The following DPP6 variants were observed in gnomAD, a reference collection of about 807,000 sequenced individuals.
The protein encoded by DPP6 is A-type potassium channel modulatory protein DPP6.
DPP6 carries 69 observed loss-of-function variants against 122.6 expected under a neutral mutation model. The ratio of observed to expected loss-of-function variants is 0.56; its 90% CI spans 0.46 to 0.69. DPP6 has a LOEUF of 0.69. Among genes scored for constraint, DPP6 ranks in the 30% least tolerant of loss-of-function variants. The pLI, the probability that DPP6 is intolerant of heterozygous loss-of-function variation, is 0.00. For synonymous variants in DPP6, 418 were observed against 433.1 expected (o/e 0.97, Z 0.43); for missense variants, 928 against 1,116.9 (o/e 0.83, Z 2.41).
chr7:153,755,788 A>G, the DPP6 span, among the ~76,000 whole-genome samples: 1 of 151,810 alleles, frequency 6.6e-6, no homozygotes, highest in Non-Finnish European at 1.5e-5. Flanking sequence ...CCTCTTCAAG[A>G]CTTTATATCT....
In DPP6 at chr7:154,082,181, C is replaced by T. The variant is rs1292920007; in HGVS notation, c.243+29118C>T. ...AGAGAGTCACATAGCATTTGGCCCT[C>T]GACCATGGCTGAATAAATGAATGAA... On this transcript the variant is annotated intron_variant, in intron 1 of 25. Coordinates refer to ENST00000377770, the MANE Select transcript of DPP6 (RefSeq NM_130797.4). Among the ~76,000 whole-genome samples the T allele has an allele frequency of 5.9e-5, 9 of 152,080 alleles. No homozygotes were observed. In the East Asian group the frequency reaches 7.7e-4, roughly 13 times the overall value.
intron 4 of DPP6, among the ~76,000 whole-genome samples, chr7:154,543,454 C>T (rs986548132): frequency 6.6e-6 from 1 of 152,168 alleles, no homozygotes. Context: ...TTACATGGGA[C>T]AGGTGGATGG....
chr7:154,043,115 C>T (rs745704959), intron 1 of DPP6, among the ~76,000 whole-genome samples: 21 of 152,084 alleles, frequency 1.4e-4, no homozygotes, highest in Middle Eastern at 3.4e-3. Flanking sequence ...TGGCTGGGCA[C>T]GGTGGCTCAC....
intron 4 of DPP6, among the ~76,000 whole-genome samples, chr7:154,563,069 G>A (rs113166514): frequency 6.6e-6 from 1 of 152,142 alleles, no homozygotes; most frequent in Non-Finnish European, 1.5e-5. Context: ...AGAGAAAGGG[G>A]TATAAAAAGT....
At chr7:154,772,264 T>G (rs1040548740) in intron 9 of DPP6, among the ~76,000 whole-genome samples, 2 of 152,186 alleles carry the variant, frequency 1.3e-5, no homozygotes, top group Non-Finnish European at 2.9e-5. Context: ...GTGGGCCTGA[T>G]AGCCTCTGTA....
the DPP6 span, among the ~76,000 whole-genome samples, chr7:153,756,319 G>A: frequency 1.3e-5 from 2 of 151,312 alleles, no homozygotes; most frequent in Non-Finnish European, 2.9e-5. Flanking sequence ...TAACTTTAGA[G>A]GTAATTTCAT....
chr7:154,644,222 G>A (rs1836300388), intron 6 of DPP6, among the ~76,000 whole-genome samples: 2 of 152,176 alleles, frequency 1.3e-5, no homozygotes, highest in Non-Finnish European at 2.9e-5. Flanking sequence ...TGAAGAAAAA[G>A]GAAGATCAAA....
In DPP6 at chr7:154,061,855, G is replaced by C. The variant is rs1204310109; in HGVS notation, c.243+8792G>C. Reference sequence around the variant, plus strand: ...CTTTGCTCTTAGGATCCCCATCGCTGGGGGCGGAGGCACCCCCCGCGAGGC... The same window carrying C: ...CTTTGCTCTTAGGATCCCCATCGCTCGGGGCGGAGGCACCCCCCGCGAGGC... On this transcript the variant is annotated intron_variant, in intron 1 of 25. Transcript: ENST00000377770. Among the ~76,000 whole-genome samples, 5 of 132,038 alleles carry C rather than the reference G, an allele frequency of 3.8e-5. No homozygotes were observed. In the South Asian group the frequency reaches 1.1e-3, roughly 28 times the overall value. 86.6% of individuals were successfully genotyped at this position (132,038 alleles called of 152,430 possible). A position where few individuals can be genotyped will look rare whatever the true frequency, so the allele number is the denominator to read the frequency against.
At chr7:154,576,619 A>G (rs1006414338) in intron 5 of DPP6, among the ~76,000 whole-genome samples, 1 of 152,020 alleles carries the variant, frequency 6.6e-6, no homozygotes, top group Non-Finnish European at 1.5e-5. Flanking sequence ...ATGGTGGAGG[A>G]GTGGGCCAGT....
At chr7:154,491,687 A>T (rs1824293255) in intron 3 of DPP6, among the ~76,000 whole-genome samples, 1 of 152,234 alleles carries the variant, frequency 6.6e-6, no homozygotes, top group African/African-American at 2.4e-5. Flanking sequence ...AAGATAAATA[A>T]GATGGCCCAG....
rs1211409711 is a variant in DPP6, at chr7:154,624,777, C to G, written c.628-13044C>G. 6.6e-6 allele frequency among the ~76,000 whole-genome samples: 1 copy of G among 152,150 alleles called. No homozygotes were observed. Among genetic ancestry groups the G allele is most frequent in the African/African-American group, 2.4e-5 (1 of 41,426 alleles). ...GTTAATCTGCACCATGTCAGGGACC[C>G]CACCCCAGGATTCTTACCAGTAGTG... On this transcript the variant is annotated intron_variant, in intron 5 of 25. Transcript: ENST00000377770. This position sits in a 1 kb window ranked among gnomAD's most constrained non-coding sequence, Gnocchi z 4.7.
chr7:154,691,510 G>A, intron 7 of DPP6, among the ~76,000 whole-genome samples: 1 of 152,140 alleles, frequency 6.6e-6, no homozygotes, highest in East Asian at 1.9e-4. Flanking sequence ...ACATAAAGAG[G>A]GAATTGACTG....
At chr7:154,770,276 C>T (rs796559283) in intron 9 of DPP6, among the ~76,000 whole-genome samples, 26 of 152,274 alleles carry the variant, frequency 1.7e-4, no homozygotes, top group African/African-American at 5.8e-4. Context: ...TGGCGGCAGA[C>T]AAGAGGAGAG....
intron 1 of DPP6, among the ~76,000 whole-genome samples, chr7:154,081,847 G>A (rs993914538): frequency 6.6e-6 from 1 of 152,166 alleles, no homozygotes; most frequent in African/African-American, 2.4e-5. Context: ...TAGCAAATAA[G>A]GTTGTATGTT....
chr7:154,616,333 A>G (rs1318952639), intron 5 of DPP6, among the ~76,000 whole-genome samples: 1 of 152,182 alleles, frequency 6.6e-6, no homozygotes, highest in Non-Finnish European at 1.5e-5. Context: ...GACAGATTCC[A>G]TTGATCCCAG....
intron 1 of DPP6, among the ~76,000 whole-genome samples, chr7:154,322,846 C>G (rs1808094350): frequency 6.6e-6 from 1 of 152,114 alleles, no homozygotes; most frequent in South Asian, 2.1e-4. Flanking sequence ...GCTAAATATG[C>G]CTGCTTCAAT....
At chr7:154,845,533 G>A (rs970979125) in intron 16 of DPP6, among the ~76,000 whole-genome samples, 1 of 152,152 alleles carries the variant, frequency 6.6e-6, no homozygotes, top group African/African-American at 2.4e-5. Flanking sequence ...GAAGGGAGGA[G>A]GGATAGCATT....
chr7:153,758,505 C>G, the DPP6 span, among the ~76,000 whole-genome samples: 2 of 152,102 alleles, frequency 1.3e-5, no homozygotes, highest in Non-Finnish European at 2.9e-5. Flanking sequence ...CCCTTGTGAT[C>G]TGTTTCTCCC....
intron 5 of DPP6, among the ~76,000 whole-genome samples, chr7:154,608,408 A>T (rs1374500542): frequency 6.9e-6 from 1 of 145,860 alleles, no homozygotes; most frequent in African/African-American, 2.5e-5. Flanking sequence ...GCTCACTGCA[A>T]CCTCTGCCTC....
Sources: gnomAD v4.1 joint callset for allele counts (sites outside exome capture counted in the v4.1 genomes callset) on GRCh38, gnomAD v4.1.1 for gene constraint, Gnocchi (gnomAD v3.1) non-coding constraint, MANE v1.5 for transcripts, NCBI Gene and HGNC (gene_info 2026-07-23, HGNC 2026-07-21) for gene names.